RAB3C: variants seen among roughly 807,000 people sequenced by gnomAD.
The protein encoded by RAB3C is ras-related protein Rab-3C.
In RAB3C, 17 loss-of-function variants were observed where a neutral mutation model predicts 26.4. That is an observed-to-expected ratio of 0.64 (90% CI 0.44 to 0.97). The LOEUF (loss-of-function observed/expected upper bound fraction) is 0.97. Among genes scored for constraint, RAB3C ranks in the 50% least tolerant of loss-of-function variants. The probability of loss-of-function intolerance (pLI) is 0.00; values close to 1 mark genes in which losing one functional copy is unlikely to be tolerated. For synonymous variants in RAB3C, 91 were observed against 95.9 expected (o/e 0.95, Z 0.30); for missense variants, 242 against 281.9 (o/e 0.86, Z 1.01).
Position 58,726,119 on chromosome 5 carries a change from T to C in RAB3C, c.370T>C (p.Trp124Arg). The change falls in exon 3 of 5, where the codon TGG becomes CGG. Residue 124 changes from tryptophan to arginine, a missense_variant and splice_region_variant. Transcript: ENST00000282878. ...AGAATCCTTCAATGCAGTACAAGATTGGTAAGTCAGAGCAAATACTCTTAT... is the reference window on the plus strand; with the variant it reads ...AGAATCCTTCAATGCAGTACAAGATCGGTAAGTCAGAGCAAATACTCTTAT... ...NEESFNAVQDWSTQIKTYSWD... is the reference protein window; with the variant it reads ...NEESFNAVQDRSTQIKTYSWD... The C allele has an allele frequency of 6.7e-7, 1 of 1,503,400 alleles. No individual in the cohort carries two copies. The highest frequency in any genetic ancestry group is 9.2e-7 in the Non-Finnish European group (1 of 1,090,506). 93.1% of individuals were successfully genotyped at this position (1,503,400 alleles called of 1,614,324 possible).
At chr5:58,637,895 A>G (rs1263610830) in intron 2 of RAB3C, among the ~76,000 whole-genome samples, 3 of 152,150 alleles carry the variant, frequency 2.0e-5, no homozygotes, top group African/African-American at 7.2e-5. Context: ...TTTCACATAT[A>G]TGTTATGAAT....
chr5:58,622,470 G>C (rs1746959212), intron 2 of RAB3C, among the ~76,000 whole-genome samples: 1 of 151,970 alleles, frequency 6.6e-6, no homozygotes, highest in African/African-American at 2.4e-5. Flanking sequence ...TGGAGGGAAA[G>C]TTCTTGGGGC....
intron 2 of RAB3C, among the ~76,000 whole-genome samples, chr5:58,678,617 GAAAC>G (rs747779672): frequency 2.8e-4 from 42 of 152,290 alleles, no homozygotes; most frequent in Non-Finnish European, 4.3e-4. Context: ...CTAGCTTTTA[GAAAC>G]AAACAGTTTT....
intron 2 of RAB3C, among the ~76,000 whole-genome samples, chr5:58,626,124 T>C (rs1747045848): frequency 1.3e-5 from 2 of 152,212 alleles, no homozygotes; most frequent in African/African-American, 4.8e-5. Flanking sequence ...TGTTTTCTTT[T>C]CTTTCTTCAG....
intron 1 of RAB3C, among the ~76,000 whole-genome samples, chr5:58,585,206 T>C (rs553873597): frequency 7.6e-4 from 116 of 152,142 alleles, no homozygotes; most frequent in Non-Finnish European, 1.3e-3. Flanking sequence ...AATAAATTGT[T>C]GTTATGGTGA....
chr5:58,752,733 C>T (rs1197279812), intron 3 of RAB3C, among the ~76,000 whole-genome samples: 2 of 152,132 alleles, frequency 1.3e-5, no homozygotes, highest in Non-Finnish European at 2.9e-5. Flanking sequence ...ATTTCCTTTA[C>T]TTTGCTCAAT....
At chr5:58,734,150 C>T (rs1199813884) in intron 3 of RAB3C, among the ~76,000 whole-genome samples, 1 of 152,104 alleles carries the variant, frequency 6.6e-6, no homozygotes, top group East Asian at 1.9e-4. Context: ...TTCAGGGTAC[C>T]ACTGCAGATA....
intron 3 of RAB3C, among the ~76,000 whole-genome samples, chr5:58,795,734 G>A (rs1022713392): frequency 6.6e-6 from 1 of 152,054 alleles, no homozygotes. Context: ...TTAAACAGCA[G>A]CACACTCACT....
intron 2 of RAB3C, among the ~76,000 whole-genome samples, chr5:58,640,903 T>C (rs1747400556): frequency 6.6e-6 from 1 of 152,258 alleles, no homozygotes; most frequent in African/African-American, 2.4e-5. Flanking sequence ...ACAGTTTTAG[T>C]TGAGTTACCT....
At chr5:58,721,382 A>G (rs969806909) in intron 2 of RAB3C, among the ~76,000 whole-genome samples, 6 of 151,594 alleles carry the variant, frequency 4.0e-5, no homozygotes, top group Non-Finnish European at 8.9e-5. Context: ...AGAAGCCTAC[A>G]TTTATGGAAA....
intron 2 of RAB3C, among the ~76,000 whole-genome samples, chr5:58,710,170 C>T (rs1749027347): frequency 6.6e-6 from 1 of 152,086 alleles, no homozygotes; most frequent in Admixed American, 6.6e-5. Context: ...TTTGAATGTA[C>T]TATCATCCCA....
At chr5:58,669,058 C>A (rs1019560549) in intron 2 of RAB3C, among the ~76,000 whole-genome samples, 18 of 152,210 alleles carry the variant, frequency 1.2e-4, no homozygotes, top group Admixed American at 2.6e-4. Flanking sequence ...CTAATCCCAT[C>A]ATGAGGGCTC....
At chr5:58,773,592 TA>T in intron 3 of RAB3C, among the ~76,000 whole-genome samples, 1 of 152,198 alleles carries the variant, frequency 6.6e-6, no homozygotes, top group South Asian at 2.1e-4. Context: ...ACATTTTGGT[TA>T]TTCAGAGTTT....
intron 3 of RAB3C, among the ~76,000 whole-genome samples, chr5:58,736,127 C>T (rs1262047972): frequency 6.6e-6 from 1 of 152,178 alleles, no homozygotes; most frequent in Admixed American, 6.6e-5. Flanking sequence ...GTAATCTGCG[C>T]CCTGTCCCTC....
At chr5:58,733,064 C>A (rs948706531) in intron 3 of RAB3C, among the ~76,000 whole-genome samples, 2 of 152,116 alleles carry the variant, frequency 1.3e-5, no homozygotes, top group African/African-American at 4.8e-5. Context: ...AACAATACTA[C>A]CCAGTATATG....
chr5:58,722,712 A>G lies in RAB3C; in HGVS notation c.253-3290A>G, dbSNP rs186184857. ...TCTTCTTTGTTTCACAGCTGGATAT[A>G]CTGCTAACTGAATTAAATCCAATGA... On this transcript the variant is annotated intron_variant, in intron 2 of 4. Transcript: ENST00000282878. Among the ~76,000 whole-genome samples the G allele has an allele frequency of 4.3e-3, 654 of 151,956 alleles. 5 individuals carry two copies. The highest frequency in any genetic ancestry group is 7.2e-3 in the Non-Finnish European group (489 of 67,856).
At position 58,671,277 on chromosome 5, in the gene RAB3C, C is replaced by G. The variant is rs574105891; in HGVS notation, c.252+53407C>G. ...TTATGTCATAGGTGCTCTCATTCTC[C>G]CCCCACTTTGAAATATGAAAAAAAC... On this transcript the variant is annotated intron_variant, in intron 2 of 4. Coordinates refer to ENST00000282878, the MANE Select transcript of RAB3C (RefSeq NM_138453.4). 1.1e-4 allele frequency among the ~76,000 whole-genome samples: 17 copies of G among 152,076 alleles called. No individual in the cohort carries two copies. The South Asian group carries it at 1.9e-3, about 17-fold the overall frequency.
intron 2 of RAB3C, among the ~76,000 whole-genome samples, chr5:58,669,656 C>A (rs944552245): frequency 2.0e-5 from 3 of 152,154 alleles, no homozygotes; most frequent in Non-Finnish European, 4.4e-5. Flanking sequence ...TTGAGAAAGT[C>A]ACTTATTGTC....
intron 1 of RAB3C, among the ~76,000 whole-genome samples, chr5:58,602,986 C>G (rs551081498): frequency 6.6e-6 from 1 of 152,242 alleles, no homozygotes; most frequent in East Asian, 1.9e-4. Context: ...CTCCTTTTAG[C>G]AGTTCTTGTA....
Sources: allele counts gnomAD v4.1 joint callset (sites outside exome capture counted in the v4.1 genomes callset), GRCh38; gene constraint gnomAD v4.1.1; transcripts MANE v1.5; gene names NCBI Gene and HGNC (gene_info 2026-07-23, HGNC 2026-07-21).